Variants in CHST8 observed in about 807,000 individuals in gnomAD.
CHST8 encodes GALNAC-4-ST1.
In CHST8, 10 loss-of-function variants were observed where a neutral mutation model predicts 15.0. The observed-to-expected ratio is 0.67, with a 90% CI of 0.41 to 1.13. CHST8 has a LOEUF of 1.13. Ranked by LOEUF, CHST8 falls within the 50% of genes most tolerant of loss-of-function variation. The pLI is 0.00. For missense variants in CHST8, 634 were observed against 608.2 expected, an observed-to-expected ratio of 1.04 and a Z score of -0.45; for synonymous variants, 259 against 256.6, an observed-to-expected ratio of 1.01 and a Z score of -0.09.
intron 1 of CHST8, among the ~76,000 whole-genome samples, chr19:33,625,599 C>T (rs1158528854): frequency 1.3e-5 from 2 of 152,076 alleles, no homozygotes; most frequent in East Asian, 1.9e-4. Flanking sequence ...CGGTGGCTCA[C>T]GCCTGTAATC....
At chr19:33,698,337 C>T (rs547341137) in intron 3 of CHST8, among the ~76,000 whole-genome samples, 2 of 151,000 alleles carry the variant, frequency 1.3e-5, no homozygotes, top group African/African-American at 4.9e-5. Context: ...GAGCTGAGAT[C>T]GTGCCACTGC....
chr19:33,772,371 T>C lies in CHST8; in HGVS notation c.583T>C (p.Cys195Arg), dbSNP rs1183167484. ...GGAGGACCGCCACCGCGTGCTCTACTGCGAGGTGCCCAAGGCCGGCTGCTC... is the reference window on the plus strand; with the variant it reads ...GGAGGACCGCCACCGCGTGCTCTACCGCGAGGTGCCCAAGGCCGGCTGCTC... ...FVEDRHRVLY[C>R]EVPKAGCSNW... Residue 195 changes from cysteine to arginine, a missense_variant, in exon 5 of 5, where the codon TGC becomes CGC. Coordinates refer to ENST00000650847, the MANE Select transcript of CHST8 (RefSeq NM_001127895.2). 6.2e-7 allele frequency: 1 copy of C among 1,608,694 alleles called. No homozygotes were observed.
chr19:33,656,346 G>A (rs1972510154), intron 1 of CHST8, among the ~76,000 whole-genome samples: 1 of 152,074 alleles, frequency 6.6e-6, no homozygotes, highest in South Asian at 2.1e-4. Flanking sequence ...CATCCCATCA[G>A]TTATAAGAAG....
chr19:33,685,733 A>T (rs1205154554), intron 2 of CHST8, among the ~76,000 whole-genome samples: 1 of 152,222 alleles, frequency 6.6e-6, no homozygotes. Flanking sequence ...CTCCCCAGGC[A>T]GCAGCTGGAC....
intron 1 of CHST8, among the ~76,000 whole-genome samples, chr19:33,632,139 CTTT>C (rs60403211): frequency 5.0e-5 from 7 of 138,960 alleles, no homozygotes; most frequent in African/African-American, 8.1e-5. Flanking sequence ...CTCTCTCTCT[CTTT>C]TTTTTTTTTT....
intron 3 of CHST8, among the ~76,000 whole-genome samples, chr19:33,747,311 C>T (rs986742704): frequency 6.6e-6 from 1 of 152,192 alleles, no homozygotes; most frequent in Non-Finnish European, 1.5e-5. Context: ...CTGCACCCGT[C>T]CTTAGAGATC....
At chr19:33,725,961 C>T (rs1277432492) in intron 3 of CHST8, among the ~76,000 whole-genome samples, 1 of 152,202 alleles carries the variant, frequency 6.6e-6, no homozygotes, top group Non-Finnish European at 1.5e-5. Context: ...GGAAGTGGTC[C>T]GATTCCCCTT....
At chr19:33,677,034 G>A (rs755625332) in intron 2 of CHST8, among the ~76,000 whole-genome samples, 5 of 152,178 alleles carry the variant, frequency 3.3e-5, no homozygotes, top group Non-Finnish European at 5.9e-5. Flanking sequence ...GCTTCAAACA[G>A]CTGCTCACTA....
At chr19:33,748,478 G>C (rs771001155) in intron 3 of CHST8, among the ~76,000 whole-genome samples, 6 of 152,246 alleles carry the variant, frequency 3.9e-5, no homozygotes, top group Non-Finnish European at 7.3e-5. Context: ...CCTTTCCCCT[G>C]AGCCTTCCTG....
chr19:33,757,086 C>T (rs112379717), intron 3 of CHST8, among the ~76,000 whole-genome samples: 4 of 152,158 alleles, frequency 2.6e-5, no homozygotes, highest in Admixed American at 6.5e-5. Context: ...CTGGGCTGGG[C>T]GGAGGAAGAG....
At chr19:33,691,858 G>C (rs1973104674) in intron 3 of CHST8, among the ~76,000 whole-genome samples, 2 of 152,228 alleles carry the variant, frequency 1.3e-5, no homozygotes, top group African/African-American at 4.8e-5. Context: ...GAGATGAGCG[G>C]ATCTACGGAG....
intron 2 of CHST8, among the ~76,000 whole-genome samples, chr19:33,682,274 C>G (rs1471781023): frequency 6.8e-6 from 1 of 146,504 alleles, no homozygotes; most frequent in Non-Finnish European, 1.5e-5. Context: ...CTCACTGCAA[C>G]CTCTGCCTCC....
intron 3 of CHST8, among the ~76,000 whole-genome samples, chr19:33,735,502 A>G (rs370150380): frequency 2.6e-4 from 40 of 152,280 alleles, no homozygotes; most frequent in East Asian, 1.7e-3. Context: ...AGACACACAC[A>G]CACTCTTCAC....
At chr19:33,755,632 G>T (rs111753452) in intron 3 of CHST8, among the ~76,000 whole-genome samples, 29 of 152,314 alleles carry the variant, frequency 1.9e-4, no homozygotes, top group African/African-American at 6.0e-4. Context: ...TTTCACAACC[G>T]CAAAGAGGTG....
intron 1 of CHST8, among the ~76,000 whole-genome samples, chr19:33,654,533 T>C (rs1972485949): frequency 6.6e-6 from 1 of 152,116 alleles, no homozygotes; most frequent in Admixed American, 6.5e-5. Context: ...AAAAATTGTT[T>C]CTGCTGGGAG....
chr19:33,636,068 C>A (rs1600227963), intron 1 of CHST8, among the ~76,000 whole-genome samples: 1 of 139,930 alleles, frequency 7.1e-6, no homozygotes. Context: ...TCTGTGATAA[C>A]TAATATGAAA....
chr19:33,732,198 G>A (rs1010784101), intron 3 of CHST8, among the ~76,000 whole-genome samples: 7 of 152,182 alleles, frequency 4.6e-5, no homozygotes, highest in African/African-American at 7.2e-5. Context: ...ACATTTGGCC[G>A]TCACTCAGGA....
At chr19:33,745,773 T>C (rs890900919) in intron 3 of CHST8, among the ~76,000 whole-genome samples, 10 of 112,952 alleles carry the variant, frequency 8.9e-5, no homozygotes, top group African/African-American at 2.8e-4. Flanking sequence ...ACACATCAAC[T>C]AGTGTCTGGA....
At chr19:33,701,872 G>A (rs569369913) in intron 3 of CHST8, among the ~76,000 whole-genome samples, 5 of 152,322 alleles carry the variant, frequency 3.3e-5, no homozygotes, top group African/African-American at 7.2e-5. Context: ...TGAAGCCTGC[G>A]TGGCTCAGCC....
Sources: gnomAD v4.1 joint callset for allele counts (sites outside exome capture counted in the v4.1 genomes callset) on GRCh38, gnomAD v4.1.1 for gene constraint, MANE v1.5 for transcripts, NCBI Gene and HGNC (gene_info 2026-07-23, HGNC 2026-07-21) for gene names.